Variants in SPTLC3 observed in about 807,000 individuals in gnomAD.
SPTLC3 encodes serine palmitoyltransferase long chain base subunit 3.
A neutral mutation model predicts 59.3 loss-of-function variants in SPTLC3; 36 were observed. That is an observed-to-expected ratio of 0.61 (90% CI 0.47 to 0.80). The LOEUF (loss-of-function observed/expected upper bound fraction) is 0.80. Ranked by LOEUF, SPTLC3 falls within the 30% of genes least tolerant of loss-of-function variation. The pLI is 0.00. For missense variants in SPTLC3, 625 were observed against 685.1 expected, an observed-to-expected ratio of 0.91 and a Z score of 0.98; for synonymous variants, 257 against 240.8, an observed-to-expected ratio of 1.07 and a Z score of -0.62.
chr20:13,123,457 T>C (rs2037914922), intron 8 of SPTLC3, among the ~76,000 whole-genome samples: 1 of 152,312 alleles, frequency 6.6e-6, no homozygotes, highest in East Asian at 1.9e-4. Context: ...AGTATTACTA[T>C]GATCTAATTT....
chr20:13,096,071 A>G (rs1340510551), intron 6 of SPTLC3, among the ~76,000 whole-genome samples: 1 of 152,156 alleles, frequency 6.6e-6, no homozygotes, highest in African/African-American at 2.4e-5. Flanking sequence ...GGCTTTGGCT[A>G]CGGTGCTTTC....
At chr20:13,104,864 T>C (rs1989789103) in intron 6 of SPTLC3, among the ~76,000 whole-genome samples, 1 of 152,166 alleles carries the variant, frequency 6.6e-6, no homozygotes, top group Non-Finnish European at 1.5e-5. Flanking sequence ...GGCTTTTGTT[T>C]GGGGAACTTT....
At chr20:13,126,794 AATAC>A (rs1209668512) in intron 9 of SPTLC3, 77 bp downstream of exon 9, 13 of 1,557,770 alleles carry the variant, frequency 8.3e-6, no homozygotes, top group Admixed American at 1.8e-5. Flanking sequence ...CCGCTTCTCA[AATAC>A]ACACCTTTAT....
chr20:13,053,449 CA>C (rs1419497677), intron 2 of SPTLC3, among the ~76,000 whole-genome samples: 2 of 151,940 alleles, frequency 1.3e-5, no homozygotes, highest in Non-Finnish European at 2.9e-5. Context: ...AAAACCAGCA[CA>C]AAAAAAGGCT....
intron 11 of SPTLC3, 21 bp from the exon 12 acceptor site, chr20:13,164,733 T>G (rs1355574244): frequency 6.3e-7 from 1 of 1,598,052 alleles, no homozygotes. Flanking sequence ...TGATAGCTAT[T>G]GGAAAGCAAT....
intron 1 of SPTLC3, among the ~76,000 whole-genome samples, chr20:13,036,929 T>C (rs1986761105): frequency 6.6e-6 from 1 of 152,172 alleles, no homozygotes; most frequent in Non-Finnish European, 1.5e-5. Context: ...ATGAGGCTTT[T>C]GTTATTCTCT....
chr20:13,060,478 G>A (rs1007646208), intron 2 of SPTLC3, among the ~76,000 whole-genome samples: 1 of 151,608 alleles, frequency 6.6e-6, no homozygotes, highest in Non-Finnish European at 1.5e-5. Flanking sequence ...AATTTAAGGG[G>A]TAAGAATGCA....
chr20:13,141,628 A>G (rs2038385712), intron 9 of SPTLC3, among the ~76,000 whole-genome samples: 2 of 152,240 alleles, frequency 1.3e-5, no homozygotes, highest in South Asian at 4.1e-4. Context: ...GGCCCTTGGC[A>G]TTGTTGACAG....
chr20:13,087,758 G>C (rs1989050949), intron 4 of SPTLC3, among the ~76,000 whole-genome samples: 1 of 152,122 alleles, frequency 6.6e-6, no homozygotes, highest in African/African-American at 2.4e-5. Flanking sequence ...GCACCCCAAG[G>C]ACTCTTTCTG....
chr20:13,116,627 C>T (rs1379319446), intron 7 of SPTLC3, among the ~76,000 whole-genome samples: 7 of 152,150 alleles, frequency 4.6e-5, no homozygotes, highest in African/African-American at 1.7e-4. Flanking sequence ...ATGGAAGGTT[C>T]TATCGTGTAT....
chr20:13,116,052 T>C (rs1038161875), intron 7 of SPTLC3, among the ~76,000 whole-genome samples: 21 of 152,198 alleles, frequency 1.4e-4, no homozygotes, highest in African/African-American at 4.6e-4. Flanking sequence ...TTGGCCTTTA[T>C]TTCATTAAAA....
intron 1 of SPTLC3, among the ~76,000 whole-genome samples, chr20:13,010,520 A>C (rs1011803858): frequency 6.6e-6 from 1 of 152,128 alleles, no homozygotes; most frequent in African/African-American, 2.4e-5. Context: ...CTCTTAACAA[A>C]AGGCACTGTC....
rs942016346 is a variant in SPTLC3 at position 13,151,985 on chromosome 20, T to TA, written c.1280-2008dup. 2.0e-4 allele frequency among the ~76,000 whole-genome samples: 29 copies of TA among 147,564 alleles called. No homozygotes were observed. In the East Asian group the frequency reaches 2.9e-3, roughly 15 times the overall value. ...GCCTTCAACTCTCAACTGCCTCTAC[T>TA]AAAAAAAAAAGATATAATCATAATC... On this transcript the variant is annotated intron_variant, in intron 9 of 11. Transcript: ENST00000399002.
chr20:13,113,481 A>G (rs1431354479), intron 7 of SPTLC3, among the ~76,000 whole-genome samples: 1 of 152,190 alleles, frequency 6.6e-6, no homozygotes, highest in African/African-American at 2.4e-5. Context: ...TCAGGGAGAT[A>G]TCAAGATAGA....
chr20:13,026,512 GTGTATGTCTTCTTTTGAGAAGTGTC>G (rs1485704703), intron 1 of SPTLC3, among the ~76,000 whole-genome samples: 2 of 152,066 alleles, frequency 1.3e-5, no homozygotes, highest in African/African-American at 4.8e-5. Context: ...TTTTGGCCAC[GTGTATGTCTTCTTTTGAGAAGTGTC>G]TGTTCGTGTC....
intron 8 of SPTLC3, among the ~76,000 whole-genome samples, chr20:13,125,202 A>G (rs1237222448): frequency 6.6e-6 from 1 of 152,174 alleles, no homozygotes; most frequent in East Asian, 1.9e-4. Flanking sequence ...GGAGCTTCTT[A>G]GGGCTTTCAG....
At chr20:13,095,705 A>G (rs1041353779) in intron 6 of SPTLC3, among the ~76,000 whole-genome samples, 3 of 152,130 alleles carry the variant, frequency 2.0e-5, no homozygotes, top group African/African-American at 4.8e-5. Flanking sequence ...TATAAGACCT[A>G]GAATCTTATT....
At chr20:13,133,350 A>G (rs2038169233) in intron 9 of SPTLC3, among the ~76,000 whole-genome samples, 2 of 151,754 alleles carry the variant, frequency 1.3e-5, no homozygotes, top group Admixed American at 1.3e-4. Flanking sequence ...AGCCTTTGAG[A>G]ATCACTGCTG....
chr20:13,010,510 C>G (rs1050395171), intron 1 of SPTLC3, among the ~76,000 whole-genome samples: 6 of 152,162 alleles, frequency 3.9e-5, no homozygotes, highest in East Asian at 3.9e-4. Context: ...AAGCATTCCC[C>G]TCTTAACAAA....
Sources: gnomAD v4.1 joint callset for allele counts (sites outside exome capture counted in the v4.1 genomes callset) on GRCh38, gnomAD v4.1.1 for gene constraint, MANE v1.5 for transcripts, NCBI Gene and HGNC (gene_info 2026-07-23, HGNC 2026-07-21) for gene names.